LCORL: variants seen among roughly 807,000 people sequenced by gnomAD.
The protein encoded by LCORL is ligand-dependent nuclear receptor corepressor-like protein.
A neutral mutation model predicts 141.8 loss-of-function variants in LCORL; 41 were observed. The observed-to-expected ratio is 0.29, with a 90% CI of 0.23 to 0.38. The LOEUF (loss-of-function observed/expected upper bound fraction) is 0.38. LCORL is among the 10% of genes least tolerant of loss of function. The pLI is 1.00. For missense variants in LCORL, 1,759 were observed against 2,035.0 expected, an observed-to-expected ratio of 0.86 and a Z score of 2.61; for synonymous variants, 618 against 694.1, an observed-to-expected ratio of 0.89 and a Z score of 1.72.
chr4:17,876,931 G>T, exon 7 of LCORL: 1 of 1,230,592 alleles, frequency 8.1e-7, no homozygotes, highest in South Asian at 4.1e-5. Context: ...GTTTCAGCAT[G>T]ATTTTTACCT....
At chr4:17,995,515 A>T (rs986495598) in intron 1 of LCORL, among the ~76,000 whole-genome samples, 11 of 152,180 alleles carry the variant, frequency 7.2e-5, no homozygotes, top group African/African-American at 2.4e-4. Flanking sequence ...ATCTAAATAG[A>T]TACTAAAAGA....
At chr4:17,842,153 G>C (rs941010036) in exon 8 of LCORL, 1 of 574,618 alleles carries the variant, frequency 1.7e-6, no homozygotes, top group South Asian at 2.4e-5. Flanking sequence ...TTCTGTGGCA[G>C]TGATAACTGG....
At chr4:17,904,761 G>C (rs868506352) in intron 5 of LCORL, among the ~76,000 whole-genome samples, 1 of 152,094 alleles carries the variant, frequency 6.6e-6, no homozygotes, top group South Asian at 2.1e-4. Flanking sequence ...CTGGCCAATA[G>C]CACCCTGTTT....
At chr4:17,999,772 T>C (rs1190036948) in intron 1 of LCORL, among the ~76,000 whole-genome samples, 1 of 152,184 alleles carries the variant, frequency 6.6e-6, no homozygotes, top group Non-Finnish European at 1.5e-5. Context: ...AAAGCCAATG[T>C]TCCTTAAAAT....
At chr4:17,874,212 C>T in exon 7 of LCORL, 8 of 1,233,658 alleles carry the variant, frequency 6.5e-6, no homozygotes, top group Non-Finnish European at 8.1e-6. Context: ...CCTTTTTAAT[C>T]TAGCTATTGC....
intron 1 of LCORL, among the ~76,000 whole-genome samples, chr4:17,992,880 C>T (rs1720267410): frequency 6.6e-6 from 1 of 152,118 alleles, no homozygotes; most frequent in African/African-American, 2.4e-5. Context: ...GCACTGACTC[C>T]TGGGTTTAAA....
chr4:17,918,296 C>T (rs997688133), intron 4 of LCORL, among the ~76,000 whole-genome samples: 1 of 151,976 alleles, frequency 6.6e-6, no homozygotes, highest in Non-Finnish European at 1.5e-5. Flanking sequence ...TGTTTTTAAA[C>T]AAAACATTAT....
chr4:17,988,390 G>A (rs893510985), intron 1 of LCORL, among the ~76,000 whole-genome samples: 2 of 152,092 alleles, frequency 1.3e-5, no homozygotes, highest in African/African-American at 2.4e-5. Flanking sequence ...TCCTGATCCA[G>A]CCTCCTGAGT....
chr4:17,868,356 C>A (rs1169516847), intron 7 of LCORL, among the ~76,000 whole-genome samples: 1 of 151,892 alleles, frequency 6.6e-6, no homozygotes, highest in Non-Finnish European at 1.5e-5. Flanking sequence ...AAAGTGTCAA[C>A]TGAATTCAAA....
chr4:17,927,399 G>A (rs762620473), intron 4 of LCORL, among the ~76,000 whole-genome samples: 19 of 152,112 alleles, frequency 1.2e-4, no homozygotes, highest in African/African-American at 3.9e-4. Flanking sequence ...TGTATTCACC[G>A]GATTAGCACT....
At position 17,955,204 on chromosome 4, in the gene LCORL, T is replaced by C. The variant is rs144136120; in HGVS notation, c.430+6699A>G. Among the ~76,000 whole-genome samples, 4 of 152,202 alleles carry C rather than the reference T, an allele frequency of 2.6e-5. No homozygotes were observed. In the East Asian group the frequency reaches 7.7e-4, roughly 29 times the overall value. On this transcript the variant is annotated intron_variant, in intron 4 of 7. Coordinates refer to ENST00000635767, the Ensembl canonical transcript of LCORL. ...GGCAAAAAAAATCCAAAGGGTATAA[T>C]TTTCCAGAAACCAAGAAAGTGATCA...
intron 4 of LCORL, among the ~76,000 whole-genome samples, chr4:17,940,876 T>G (rs1385059822): frequency 6.6e-6 from 1 of 152,188 alleles, no homozygotes; most frequent in Non-Finnish European, 1.5e-5. Flanking sequence ...AAAAATCTGA[T>G]AAATAGTATC....
intron 1 of LCORL, among the ~76,000 whole-genome samples, chr4:18,003,270 A>AT (rs796658266): frequency 6.6e-6 from 1 of 152,210 alleles, no homozygotes; most frequent in Non-Finnish European, 1.5e-5. Flanking sequence ...CCATATAAGA[A>AT]TTTTTTGCAT....
In LCORL at chr4:17,920,927, T is replaced by C. The variant is rs191329808; in HGVS notation, c.431-11582A>G. Among the ~76,000 whole-genome samples the C allele has an allele frequency of 6.6e-5, 10 of 152,360 alleles. No individual in the cohort carries two copies. The East Asian group carries it at 1.5e-3, about 23-fold the overall frequency. On this transcript the variant is annotated intron_variant, in intron 4 of 7. Coordinates refer to ENST00000635767, the Ensembl canonical transcript of LCORL. ...TGCTTCCTCTTGAAGTCCTCAATGT[T>C]ATCTATGAGGGTTGGAATCAACTTT...
intron 1 of LCORL, 36 bp from the exon 2 acceptor site, chr4:17,972,921 T>C (rs1321756803): frequency 2.1e-6 from 2 of 965,330 alleles, no homozygotes; most frequent in East Asian, 3.1e-5. Context: ...TATTAACTAC[T>C]AGAAAAGTTA....
chr4:17,843,521 G>A (rs1722634024), exon 8 of LCORL: 3 of 1,399,076 alleles, frequency 2.1e-6, no homozygotes, highest in South Asian at 2.6e-5. Flanking sequence ...CAAACCTGAT[G>A]TCTTTCTGAA....
chr4:17,985,871 C>T (rs1418854328), intron 1 of LCORL, among the ~76,000 whole-genome samples: 1 of 152,010 alleles, frequency 6.6e-6, no homozygotes, highest in South Asian at 2.1e-4. Flanking sequence ...TGTCTGTGTA[C>T]TTAAGTGTTC....
rs181362272 is a variant in LCORL, at chr4:17,964,430, G to A, written c.221-1381C>T. ...CCATACAAAAGCCAGTTATAAACAA[G>A]ACAGAATTACCAGTCGTTATTTTTT... On this transcript the variant is annotated intron_variant, in intron 2 of 7. Transcript: ENST00000635767. 8.9e-4 allele frequency among the ~76,000 whole-genome samples: 135 copies of A among 152,152 alleles called. 2 individuals are homozygous for A. Among genetic ancestry groups the A allele is most frequent in the Non-Finnish European group, 8.8e-5 (6 of 67,978 alleles).
At chr4:17,997,860 G>A (rs1315621555) in intron 1 of LCORL, among the ~76,000 whole-genome samples, 1 of 152,012 alleles carries the variant, frequency 6.6e-6, no homozygotes, top group Non-Finnish European at 1.5e-5. Flanking sequence ...GATAAAGAAG[G>A]CTAAAAATGA....
Sources: allele counts gnomAD v4.1 joint callset (sites outside exome capture counted in the v4.1 genomes callset), GRCh38; gene constraint gnomAD v4.1.1; transcripts MANE v1.5; gene names NCBI Gene and HGNC (gene_info 2026-07-23, HGNC 2026-07-21).